Variants in EXOC6B observed in about 807,000 individuals in gnomAD.
The protein encoded by EXOC6B is exocyst complex component 6B.
EXOC6B carries 54 observed loss-of-function variants against 113.5 expected under a neutral mutation model. That is an observed-to-expected ratio of 0.48 (90% CI 0.38 to 0.60). The LOEUF is 0.60. EXOC6B is among the 20% of genes least tolerant of loss of function. The probability of loss-of-function intolerance (pLI) is 0.00; values close to 1 mark genes in which losing one functional copy is unlikely to be tolerated. For missense variants in EXOC6B, 797 were observed against 977.5 expected (o/e 0.82, Z 2.46); for synonymous variants, 357 against 339.0 (o/e 1.05, Z -0.58).
chr2:72,612,389 T>A (rs1671128412), intron 6 of EXOC6B, among the ~76,000 whole-genome samples: 2 of 152,150 alleles, frequency 1.3e-5, no homozygotes, highest in Admixed American at 1.3e-4. Context: ...AAAGGTAGTA[T>A]CCTAAGTGAG....
chr2:72,513,512 C>T (rs1378644903), intron 10 of EXOC6B, among the ~76,000 whole-genome samples: 1 of 151,868 alleles, frequency 6.6e-6, no homozygotes, highest in African/African-American at 2.4e-5. Context: ...GTTAACAATG[C>T]TATCCAGTAG....
chr2:72,471,239 G>A (rs533770062), intron 17 of EXOC6B, among the ~76,000 whole-genome samples: 6 of 152,224 alleles, frequency 3.9e-5, no homozygotes, highest in East Asian at 3.9e-4. Flanking sequence ...ATTTTTTCAC[G>A]TGTCTTTTGG....
chr2:72,629,896 C>A (rs1672282756), intron 6 of EXOC6B, among the ~76,000 whole-genome samples: 1 of 152,212 alleles, frequency 6.6e-6, no homozygotes, highest in Non-Finnish European at 1.5e-5. Context: ...TCCTTTCTCT[C>A]AGCTAATACA....
chr2:72,809,708 T>C (rs2105120601), intron 1 of EXOC6B, among the ~76,000 whole-genome samples: 1 of 151,522 alleles, frequency 6.6e-6, no homozygotes, highest in South Asian at 2.1e-4. Flanking sequence ...CAATACTAAA[T>C]GTGTATCAAA....
At chr2:72,503,502 T>C (rs927438154) in intron 11 of EXOC6B, among the ~76,000 whole-genome samples, 1 of 152,316 alleles carries the variant, frequency 6.6e-6, no homozygotes, top group East Asian at 1.9e-4. Context: ...TTAAGGTTCC[T>C]CTGTGTCTTT....
chr2:72,513,185 C>A lies in EXOC6B; in HGVS notation c.1114G>T (p.Glu372Ter). The A allele has an allele frequency of 1.9e-6, 3 of 1,613,346 alleles. No homozygotes were observed. The highest frequency in any genetic ancestry group is 1.7e-6 in the Non-Finnish European group (2 of 1,179,436). The change falls in exon 11 of 22, where the codon GAA becomes TAA. Residue 372 changes from glutamate (E) to a stop codon, truncating the protein, a stop_gained. Transcript: ENST00000272427. LOFTEE classifies it high-confidence loss of function. ...TTTGAAAGTGCCATTTCCCACAGTT[C>A]ATCAATGTAGGCTCTATTTACTAAG... ...QGLVNRAYID[E>*]LWEMALSKTI...
intron 20 of EXOC6B, among the ~76,000 whole-genome samples, chr2:72,289,445 G>T (rs719119): frequency 0.21 from 31,946 of 152,036 alleles, 5,970 homozygotes; most frequent in African/African-American, 0.5. Flanking sequence ...GTCATGAGTA[G>T]CAGCCAGTGG....
At chr2:72,549,492 T>A (rs1360199795) in intron 8 of EXOC6B, among the ~76,000 whole-genome samples, 1 of 151,946 alleles carries the variant, frequency 6.6e-6, no homozygotes. Context: ...AACCCAAGAG[T>A]TTATGTTTCT....
chr2:72,282,472 T>C (rs1367248185), intron 20 of EXOC6B, among the ~76,000 whole-genome samples: 1 of 151,326 alleles, frequency 6.6e-6, no homozygotes, highest in Admixed American at 6.6e-5. Flanking sequence ...ATATAATTAC[T>C]GTTTTAAAAG....
chr2:72,466,878 C>A (rs1698089799), intron 17 of EXOC6B, among the ~76,000 whole-genome samples: 1 of 152,160 alleles, frequency 6.6e-6, no homozygotes, highest in Non-Finnish European at 1.5e-5. Flanking sequence ...ACTCTGCTAG[C>A]ATTTTTCAAG....
chr2:72,778,658 T>C (rs1292222712), intron 1 of EXOC6B, among the ~76,000 whole-genome samples: 1 of 152,204 alleles, frequency 6.6e-6, no homozygotes, highest in South Asian at 2.1e-4. Flanking sequence ...AGGGATGTAC[T>C]AATCTGACAA....
intron 8 of EXOC6B, among the ~76,000 whole-genome samples, chr2:72,547,865 C>T (rs796084832): frequency 5.9e-5 from 9 of 152,206 alleles, no homozygotes; most frequent in African/African-American, 2.2e-4. Flanking sequence ...TCATCATTTG[C>T]TTAACAGTAA....
intron 1 of EXOC6B, among the ~76,000 whole-genome samples, chr2:72,807,237 A>G (rs1685628720): frequency 6.6e-6 from 1 of 152,138 alleles, no homozygotes; most frequent in Non-Finnish European, 1.5e-5. Context: ...TCTTCCACAT[A>G]TGGTTAACCA....
At chr2:72,236,379 T>A (rs953259599) in intron 20 of EXOC6B, among the ~76,000 whole-genome samples, 4 of 152,196 alleles carry the variant, frequency 2.6e-5, no homozygotes, top group Non-Finnish European at 4.4e-5. Context: ...TATGTTATTC[T>A]GAGGGCAAAG....
At chr2:72,736,186 A>T (rs1029447467) in intron 2 of EXOC6B, among the ~76,000 whole-genome samples, 6 of 148,990 alleles carry the variant, frequency 4.0e-5, no homozygotes, top group African/African-American at 1.5e-4. Flanking sequence ...ACTCTGTCTC[A>T]AAAAATTAAA....
chr2:72,818,207 C>A (rs948652101), intron 1 of EXOC6B, among the ~76,000 whole-genome samples: 3 of 151,992 alleles, frequency 2.0e-5, no homozygotes, highest in Non-Finnish European at 4.4e-5. Context: ...GGCAGTAGCG[C>A]GATCTCGGCT....
At chr2:72,698,321 G>A (rs929993682) in intron 6 of EXOC6B, among the ~76,000 whole-genome samples, 1 of 152,182 alleles carries the variant, frequency 6.6e-6, no homozygotes, top group Non-Finnish European at 1.5e-5. Flanking sequence ...TGAAAGCCAA[G>A]AGAATTTCTG....
chr2:72,565,265 C>T (rs982843584), intron 7 of EXOC6B, among the ~76,000 whole-genome samples: 7 of 145,768 alleles, frequency 4.8e-5, no homozygotes, highest in South Asian at 2.2e-4. Flanking sequence ...GTGGGAGGAT[C>T]GCTTGAGCCT....
chr2:72,300,187 G>A (rs1031875854), intron 20 of EXOC6B, among the ~76,000 whole-genome samples: 2 of 152,168 alleles, frequency 1.3e-5, no homozygotes, highest in Admixed American at 6.5e-5. Context: ...GTCTCTGACT[G>A]GGGCTGCTGC....
Sources: gnomAD v4.1 joint callset for allele counts (sites outside exome capture counted in the v4.1 genomes callset) on GRCh38, gnomAD v4.1.1 for gene constraint, MANE v1.5 for transcripts, NCBI Gene and HGNC (gene_info 2026-07-23, HGNC 2026-07-21) for gene names.